Variants in FRMD3 observed in about 807,000 individuals in gnomAD.
The protein encoded by FRMD3 is FERM domain containing 3.
FRMD3 carries 33 observed loss-of-function variants against 70.2 expected under a neutral mutation model. The ratio of observed to expected loss-of-function variants is 0.47; its 90% CI spans 0.36 to 0.63. FRMD3 has a LOEUF of 0.63. FRMD3 is among the 20% of genes least tolerant of loss of function. The pLI is 0.00. For synonymous variants in FRMD3, 279 were observed against 255.9 expected (o/e 1.09, Z -0.86); for missense variants, 632 against 711.4 (o/e 0.89, Z 1.27).
intron 6 of FRMD3, among the ~76,000 whole-genome samples, chr9:83,321,869 C>CAT (rs1321940635): frequency 6.6e-6 from 1 of 152,094 alleles, no homozygotes; most frequent in East Asian, 1.9e-4. Flanking sequence ...ATTTTGGGTG[C>CAT]ATATATATCT....
Position 83,538,302 on chromosome 9 carries a change from C to T in FRMD3, c.-71G>A. On this transcript the variant is annotated 5_prime_UTR_variant, in exon 1 of 14. Coordinates refer to ENST00000304195, the MANE Select transcript of FRMD3 (RefSeq NM_174938.6). This position sits in a 1 kb window ranked among gnomAD's most constrained non-coding sequence, Gnocchi z 4.7. ...GTGCTCGCCTGCGCGGACACACACG[C>T]TCGCACGCACTGTCCGGGACACCTG... The T allele has an allele frequency of 1.4e-6, 2 of 1,463,348 alleles. No homozygotes were observed. Among genetic ancestry groups the T allele is most frequent in the Non-Finnish European group, 1.8e-6 (2 of 1,090,840 alleles). 90.6% of individuals were successfully genotyped at this position (1,463,348 alleles called of 1,614,324 possible).
intron 3 of FRMD3, among the ~76,000 whole-genome samples, chr9:83,371,241 T>C (rs1824960962): frequency 6.6e-6 from 1 of 152,120 alleles, no homozygotes; most frequent in Non-Finnish European, 1.5e-5. Context: ...GAATCAGCAA[T>C]TTTTTTCTCA....
intron 1 of FRMD3, among the ~76,000 whole-genome samples, chr9:83,536,320 T>C (rs537324746): frequency 6.6e-6 from 1 of 152,282 alleles, no homozygotes; most frequent in Non-Finnish European, 1.5e-5. Context: ...GGGGAATATT[T>C]ATTATTCTAA....
At chr9:83,470,039 G>A (rs767831272) in intron 1 of FRMD3, among the ~76,000 whole-genome samples, 2 of 152,310 alleles carry the variant, frequency 1.3e-5, no homozygotes, top group African/African-American at 2.4e-5. Context: ...CATTAAATCT[G>A]GCTGAGAGGA....
chr9:83,509,531 C>A (rs1012107779), intron 1 of FRMD3, among the ~76,000 whole-genome samples: 2 of 152,198 alleles, frequency 1.3e-5, no homozygotes, highest in Admixed American at 1.3e-4. Context: ...TAAGAAACCA[C>A]TCCCCAGGAG....
intron 1 of FRMD3, among the ~76,000 whole-genome samples, chr9:83,487,652 A>G (rs1251543240): frequency 2.0e-5 from 3 of 152,206 alleles, no homozygotes; most frequent in African/African-American, 7.2e-5. Context: ...GAGAGCCCTT[A>G]TAAGCCTGGA....
chr9:83,552,584 T>G, the FRMD3 span, among the ~76,000 whole-genome samples: 1 of 152,264 alleles, frequency 6.6e-6, no homozygotes. Context: ...CTCCCACTAT[T>G]ATTTTGCGGG....
chr9:83,295,839 T>G (rs576732111), intron 12 of FRMD3, among the ~76,000 whole-genome samples: 1 of 152,298 alleles, frequency 6.6e-6, no homozygotes, highest in East Asian at 1.9e-4. Context: ...AGTGGCCAGT[T>G]CAGGAGGGTT....
At position 83,538,274 on chromosome 9, in the gene FRMD3, G is replaced by A. The variant is rs1829947028; in HGVS notation, c.-43C>T. ...AGCGAGCGGGAGGCTCAGGGCCGGCGCGGTGCTCGCCTGCGCGGACACACA... is the reference window on the plus strand; with the variant it reads ...AGCGAGCGGGAGGCTCAGGGCCGGCACGGTGCTCGCCTGCGCGGACACACA... On this transcript the variant is annotated 5_prime_UTR_variant, in exon 1 of 14. Coordinates refer to ENST00000304195, the MANE Select transcript of FRMD3 (RefSeq NM_174938.6). This position sits in a 1 kb window ranked among gnomAD's most constrained non-coding sequence, Gnocchi z 4.7. The A allele has an allele frequency of 6.6e-7, 1 of 1,526,142 alleles. No individual in the cohort carries two copies. The highest frequency in any genetic ancestry group is 1.4e-5 in the African/African-American group (1 of 72,758). The allele number at this position is 1,526,142 out of a possible 1,614,324, so 94.5% of individuals were successfully genotyped here. A position where few individuals can be genotyped will look rare whatever the true frequency, so the allele number is the denominator to read the frequency against.
At chr9:83,382,034 T>C (rs1825372119) in intron 2 of FRMD3, among the ~76,000 whole-genome samples, 1 of 152,004 alleles carries the variant, frequency 6.6e-6, no homozygotes, top group Non-Finnish European at 1.5e-5. Context: ...AAAATGATAG[T>C]TTGAAAATGC....
At chr9:83,563,584 A>G in the FRMD3 span, among the ~76,000 whole-genome samples, 2 of 151,984 alleles carry the variant, frequency 1.3e-5, no homozygotes, top group Non-Finnish European at 2.9e-5. Flanking sequence ...TTCCATTACC[A>G]TCTGTTCTCT....
At chr9:83,353,141 T>A (rs1249600924) in intron 3 of FRMD3, among the ~76,000 whole-genome samples, 2 of 152,064 alleles carry the variant, frequency 1.3e-5, no homozygotes, top group Non-Finnish European at 2.9e-5. Context: ...TGACCCCATG[T>A]CACCAATAAA....
At chr9:83,364,864 A>T (rs1824738135) in intron 3 of FRMD3, among the ~76,000 whole-genome samples, 1 of 152,204 alleles carries the variant, frequency 6.6e-6, no homozygotes, top group South Asian at 2.1e-4. Context: ...GCCTTAAAAG[A>T]ATGCCTTGAA....
chr9:83,498,064 C>A (rs1461899095), intron 1 of FRMD3, among the ~76,000 whole-genome samples: 1 of 152,098 alleles, frequency 6.6e-6, no homozygotes, highest in East Asian at 1.9e-4. Context: ...AGGAGAATCG[C>A]TTGAACCCAG....
intron 1 of FRMD3, among the ~76,000 whole-genome samples, chr9:83,416,027 C>G (rs1443387626): frequency 1.3e-5 from 2 of 152,140 alleles, no homozygotes; most frequent in Non-Finnish European, 2.9e-5. Flanking sequence ...TTATGTTCCC[C>G]TAGAAATAGC....
the FRMD3 span, among the ~76,000 whole-genome samples, chr9:83,555,818 G>C: frequency 6.6e-6 from 1 of 152,218 alleles, no homozygotes; most frequent in Non-Finnish European, 1.5e-5. Flanking sequence ...CTGTCTGTCA[G>C]ACTGAGGACT....
intron 1 of FRMD3, among the ~76,000 whole-genome samples, chr9:83,499,084 G>C (rs1035349969): frequency 6.6e-6 from 1 of 152,166 alleles, no homozygotes; most frequent in Admixed American, 6.5e-5. Flanking sequence ...TGAAGCTGAT[G>C]ATCATAACTG....
intron 1 of FRMD3, among the ~76,000 whole-genome samples, chr9:83,480,463 T>C (rs1190472061): frequency 3.3e-5 from 5 of 151,932 alleles, no homozygotes. Flanking sequence ...ATATAGCATT[T>C]CCATTGTATT....
intron 1 of FRMD3, among the ~76,000 whole-genome samples, chr9:83,469,829 G>A (rs1376969330): frequency 6.6e-6 from 1 of 152,210 alleles, no homozygotes; most frequent in Non-Finnish European, 1.5e-5. Context: ...TCTCACCAAT[G>A]AGAGATCTCA....
Sources: allele counts gnomAD v4.1 joint callset (sites outside exome capture counted in the v4.1 genomes callset), GRCh38; gene constraint gnomAD v4.1.1; non-coding constraint Gnocchi (gnomAD v3.1); transcripts MANE v1.5; gene names NCBI Gene and HGNC (gene_info 2026-07-23, HGNC 2026-07-21).